Variants in SPHK2 observed in about 807,000 individuals in gnomAD.
The protein encoded by SPHK2 is sphingosine kinase 2.
In SPHK2, 18 loss-of-function variants were observed where a neutral mutation model predicts 32.3. The ratio of observed to expected loss-of-function variants is 0.56; its 90% CI spans 0.39 to 0.83. SPHK2 has a LOEUF of 0.83. SPHK2 is among the 40% of genes least tolerant of loss of function. The pLI, the probability that SPHK2 is intolerant of heterozygous loss-of-function variation, is 0.00. For missense variants in SPHK2, 850 were observed against 908.7 expected (o/e 0.94, Z 0.83); for synonymous variants, 462 against 417.6 (o/e 1.11, Z -1.30).
Position 48,628,782 on chromosome 19 carries a change from C to G in SPHK2, c.974C>G (p.Ser325Trp). The G allele has an allele frequency of 6.2e-7, 1 of 1,613,488 alleles. No homozygotes were observed. Residue 325 changes from serine to tryptophan, a missense_variant, in exon 7 of 7, where the codon TCG becomes TGG. Ser to Trp is a radical substitution (Grantham distance 177). Transcript: ENST00000245222. The surrounding 1 kb of genome is among the most constrained non-coding windows in gnomAD (Gnocchi z 5.2). ...PLDLLSVTLA[S>W]GSRCFSFLSV... is the part of the protein sequence containing the mutation. ...GACCTGCTCTCCGTGACGCTGGCCT[C>G]GGGCTCCCGCTGTTTCTCCTTCCTG...
intron 2 of SPHK2, chr19:48,620,868 G>A (rs985859872): frequency 4.0e-6 from 1 of 249,608 alleles, no homozygotes; most frequent in South Asian, 4.8e-5. Flanking sequence ...AGGTTGCAGT[G>A]AGCCGAGATC....
At position 48,629,215 on chromosome 19, in the gene SPHK2, A is replaced by G. The variant is rs765646810; in HGVS notation, c.1407A>G (p.Pro469=). 6.2e-6 allele frequency: 10 copies of G among 1,613,400 alleles called. No individual in the cohort carries two copies. The highest frequency in any genetic ancestry group is 1.7e-5 in the Admixed American group (1 of 59,990). ...GGGATGCTCCGCTGTCCCCGGACCC[A>G]CTGCTGTCTTCACCTCCTGGCTCTC... The part of the protein sequence containing the change: ...GAGDAPLSPD[P]LLSSPPGSPK... Residue 469 remains proline (P), a synonymous_variant, in exon 7 of 7, where the codon CCA becomes CCG. Coordinates refer to ENST00000245222, the MANE Select transcript of SPHK2 (RefSeq NM_020126.5).
At position 48,629,739 on chromosome 19, in the gene SPHK2, C is replaced by T; in HGVS notation, c.1931C>T (p.Thr644Ile). 1 of 1,588,882 alleles carries T rather than the reference C, an allele frequency of 6.3e-7. No homozygotes were observed. The highest frequency in any genetic ancestry group is 8.6e-7 in the Non-Finnish European group (1 of 1,164,554). The change falls in exon 7 of 7, where the codon ACT becomes ATT. Residue 644 changes from threonine to isoleucine, a missense_variant. Thr to Ile is a moderately conservative substitution (Grantham distance 89, BLOSUM62 -1). Coordinates refer to ENST00000245222, the MANE Select transcript of SPHK2 (RefSeq NM_020126.5). ...CACCCTGGCATCGGTACACTGCTCA[C>T]TGGGCCTCCTGGCTGCCCGGGGCGG... ...QMHPGIGTLLTGPPGCPGREP is the reference protein window; with the variant it reads ...QMHPGIGTLLIGPPGCPGREP
chr19:48,628,592 C>G lies in SPHK2; in HGVS notation c.873-89C>G. 6.6e-7 allele frequency: 1 copy of G among 1,521,522 alleles called. No individual in the cohort carries two copies. Among genetic ancestry groups the G allele is most frequent in the Non-Finnish European group, 9.0e-7 (1 of 1,115,166 alleles). 94.3% of individuals were successfully genotyped at this position (1,521,522 alleles called of 1,614,324 possible). ...GGGCCTGGGCCATGGCCTTCGTGGT[C>G]TCATTGCCAGCTGCTTTCCTACCTG... On this transcript the variant is annotated intron_variant, in intron 6 of 6. Transcript: ENST00000245222. The surrounding 1 kb of genome is among the most constrained non-coding windows in gnomAD (Gnocchi z 5.2).
Position 48,626,346 on chromosome 19 carries a change from A to G in SPHK2, c.495A>G (p.Pro165=), listed in dbSNP as rs1974623581. ...TCACCTGTCTGCTCCGAGGACTGCC[A>G]CTGCCCGGGGATGGGGGTGAGGTGC... ...TALTCLLRGL[P]LPGDGEITPD... The change falls in exon 3 of 7, where the codon CCA becomes CCG. Residue 165 remains proline (P), a synonymous_variant. Transcript: ENST00000245222. 2 of 1,588,514 alleles carry G rather than the reference A, an allele frequency of 1.3e-6. No homozygotes were observed. The highest frequency in any genetic ancestry group is 1.7e-6 in the Non-Finnish European group (2 of 1,175,654).
chr19:48,625,916 GCT>G lies in SPHK2; in HGVS notation c.66_67del (p.Ser22ArgfsTer6). 1 of 1,612,072 alleles carries G rather than the reference GCT, an allele frequency of 6.2e-7. No individual in the cohort carries two copies. The highest frequency in any genetic ancestry group is 8.5e-7 in the Non-Finnish European group (1 of 1,179,554). ...AGGCCAGACCAGGAGCTGACCGGGA[GCT>G]GGGGCCACGGGCCTAGGAGCACCCT... is the stretch of plus-strand genomic sequence containing the variant. On this transcript the variant is annotated frameshift_variant, in exon 3 of 7. Transcript: ENST00000245222. LOFTEE classifies it high-confidence loss of function.
At chr19:48,625,682 A>C in intron 2 of SPHK2, 1 of 1,534,538 alleles carries the variant, frequency 6.5e-7, no homozygotes, top group Non-Finnish European at 8.7e-7. Context: ...GGATGTTTGC[A>C]TGCCCGGGTC....
In SPHK2 at chr19:48,630,167, C is replaced by T; in HGVS notation, c.*394C>T. On this transcript the variant is annotated 3_prime_UTR_variant, in exon 7 of 7. Transcript: ENST00000245222. The surrounding 1 kb of genome is among the most constrained non-coding windows in gnomAD (Gnocchi z 4.9). Reference sequence around the variant, plus strand: ...GCTGGGGTAGGCCTCAGTGAGTCGGCCGGTCAGGGCCCGCAGCCTCGCCCC... The same window carrying T: ...GCTGGGGTAGGCCTCAGTGAGTCGGTCGGTCAGGGCCCGCAGCCTCGCCCC... 8.1e-7 allele frequency: 1 copy of T among 1,239,398 alleles called. No individual in the cohort carries two copies. Among genetic ancestry groups the T allele is most frequent in the Non-Finnish European group, 1.0e-6 (1 of 989,112 alleles). 76.8% of individuals were successfully genotyped at this position (1,239,398 alleles called of 1,614,324 possible).
chr19:48,622,072 G>A (rs1361503785), intron 2 of SPHK2, among the ~76,000 whole-genome samples: 3 of 151,928 alleles, frequency 2.0e-5, no homozygotes, highest in African/African-American at 2.4e-5. Flanking sequence ...TGGCTAACAC[G>A]GTGAAACCCC....
chr19:48,626,359 G>A lies in SPHK2; in HGVS notation c.508G>A (p.Gly170Arg). ...LLRGLPLPGD[G>R]EITPDLLPRP... ...CCGAGGACTGCCACTGCCCGGGGATGGGGGTGAGGTGCTGGGCAGCTGCTC... is the reference window on the plus strand; with the variant it reads ...CCGAGGACTGCCACTGCCCGGGGATAGGGGTGAGGTGCTGGGCAGCTGCTC... The change falls in exon 3 of 7, where the codon GGG becomes AGG. Residue 170 changes from glycine to arginine, a missense_variant. Gly to Arg is a moderately radical substitution (Grantham distance 125, BLOSUM62 -2). Around this residue, in one of 2 missense-constraint regions of SPHK2, gnomAD observed 544 missense variants for 640.0 expected, o/e 0.85. Coordinates refer to ENST00000245222, the MANE Select transcript of SPHK2 (RefSeq NM_020126.5). 1 of 1,577,786 alleles carries A rather than the reference G, an allele frequency of 6.3e-7. No individual in the cohort carries two copies. The highest frequency in any genetic ancestry group is 1.1e-5 in the South Asian group (1 of 88,032).
At chr19:48,621,975 G>A (rs928987606) in intron 2 of SPHK2, among the ~76,000 whole-genome samples, 2 of 152,038 alleles carry the variant, frequency 1.3e-5, no homozygotes, top group Non-Finnish European at 2.9e-5. Flanking sequence ...TCAATCTCGG[G>A]CCGGGCGCAG....
chr19:48,627,773 A>G lies in SPHK2; in HGVS notation c.593A>G (p.Gln198Arg). Residue 198 changes from glutamine to arginine, a missense_variant, in exon 4 of 7, where the codon CAG becomes CGG. Around this residue, in one of 2 missense-constraint regions of SPHK2, gnomAD observed 544 missense variants for 640.0 expected, o/e 0.85. Transcript: ENST00000245222. ...NPFGGRGLAWQWCKNHVLPMI... is the reference protein window; with the variant it reads ...NPFGGRGLAWRWCKNHVLPMI... ...TTTGGGGGTCGGGGCCTGGCCTGGC[A>G]GTGGTGTAAGAACCACGTGCTTCCC... 6.2e-7 allele frequency: 1 copy of G among 1,613,940 alleles called. No homozygotes were observed. Among genetic ancestry groups the G allele is most frequent in the South Asian group, 1.1e-5 (1 of 91,044 alleles).
intron 3 of SPHK2, chr19:48,626,829 A>C (rs2029949652): frequency 6.5e-6 from 1 of 153,088 alleles, no homozygotes; most frequent in Admixed American, 6.5e-5. Context: ...AAAAAAAAAA[A>C]AAAAAAAAAA....
Position 48,629,636 on chromosome 19 carries a change from C to A in SPHK2, c.1828C>A (p.Leu610Ile). The change falls in exon 7 of 7, where the codon CTA (leucine) becomes ATA (isoleucine). Residue 610 changes from leucine (L) to isoleucine (I), a missense_variant. Coordinates refer to ENST00000245222, the MANE Select transcript of SPHK2 (RefSeq NM_020126.5). ...LGYAAARAFR[L>I]EPLTPRGVLT... ...CTACGCCGCGGCCCGTGCCTTCCGC[C>A]TAGAGCCGCTCACACCACGCGGCGT... The A allele has an allele frequency of 6.2e-7, 1 of 1,601,678 alleles. No individual in the cohort carries two copies. Among genetic ancestry groups the A allele is most frequent in the Admixed American group, 1.7e-5 (1 of 57,814 alleles).
intron 2 of SPHK2, among the ~76,000 whole-genome samples, chr19:48,621,753 C>T (rs1010323961): frequency 2.6e-5 from 4 of 152,076 alleles, no homozygotes; most frequent in Non-Finnish European, 5.9e-5. Context: ...ATTATAGCAG[C>T]GAGAAACAAA....
At chr19:48,621,672 A>G (rs2147669397) in intron 2 of SPHK2, among the ~76,000 whole-genome samples, 2 of 152,296 alleles carry the variant, frequency 1.3e-5, no homozygotes, top group Non-Finnish European at 2.9e-5. Flanking sequence ...AAGACTGAGC[A>G]CCGAACAAAG....
At chr19:48,623,063 T>G (rs1974468636) in intron 2 of SPHK2, 1 of 151,186 alleles carries the variant, frequency 6.6e-6, no homozygotes, top group Non-Finnish European at 1.5e-5. Context: ...GCTAACACGG[T>G]GAAACCCTGT....
chr19:48,625,801 C>T, intron 2 of SPHK2, 90 bp from the exon 3 acceptor site: 2 of 1,542,760 alleles, frequency 1.3e-6, no homozygotes, highest in Non-Finnish European at 1.7e-6. Flanking sequence ...CACTGCCCCT[C>T]ATTGTCTCCT....
At chr19:48,625,841 C>T (rs1974590825) in intron 2 of SPHK2, 50 bp from the exon 3 acceptor site, 1 of 1,587,100 alleles carries the variant, frequency 6.3e-7, no homozygotes, top group Non-Finnish European at 8.5e-7. Context: ...CCTCCCTGCC[C>T]CTGCCATGGG....
Sources: gnomAD v4.1 joint callset for allele counts (sites outside exome capture counted in the v4.1 genomes callset) on GRCh38, gnomAD v4.1.1 for gene constraint, gnomAD v4.1.1 regional missense constraint, Gnocchi (gnomAD v3.1) non-coding constraint, MANE v1.5 for transcripts, NCBI Gene and HGNC (gene_info 2026-07-23, HGNC 2026-07-21) for gene names.